TBC1D14: variants seen among roughly 807,000 people sequenced by gnomAD.
TBC1D14 encodes the protein TBC1 domain family member 14.
TBC1D14 carries 26 observed loss-of-function variants against 79.0 expected under a neutral mutation model. That is an observed-to-expected ratio of 0.33 (90% CI 0.24 to 0.46). The LOEUF (loss-of-function observed/expected upper bound fraction) is 0.46. TBC1D14 is among the 20% of genes least tolerant of loss of function. The pLI is 1.00. For missense variants in TBC1D14, 769 were observed against 887.6 expected (o/e 0.87, Z 1.70); for synonymous variants, 394 against 349.9 (o/e 1.13, Z -1.40).
intron 10 of TBC1D14, 33 bp downstream of exon 10, chr4:7,009,981 G>C: frequency 6.2e-7 from 1 of 1,611,238 alleles, no homozygotes; most frequent in Non-Finnish European, 8.5e-7. Context: ...TTATAATGTT[G>C]TTATCTAAAA....
chr4:6,923,935 C>T lies in TBC1D14; in HGVS notation c.546C>T (p.Val182=). The change falls in exon 2 of 14, where the codon GTC becomes GTT. Residue 182 remains valine (V), a synonymous_variant. Transcript: ENST00000409757. ...VSNEDILDLV[V]TSSSSAIVTL... ...ATGAGGACATCTTGGACCTTGTGGTCACGAGCAGCTCCAGTGCCATTGTGA... is the reference window on the plus strand; with the variant it reads ...ATGAGGACATCTTGGACCTTGTGGTTACGAGCAGCTCCAGTGCCATTGTGA... The T allele has an allele frequency of 1.2e-6, 2 of 1,614,138 alleles. No individual in the cohort carries two copies. The highest frequency in any genetic ancestry group is 4.5e-5 in the East Asian group (2 of 44,884).
intron 12 of TBC1D14, among the ~76,000 whole-genome samples, chr4:7,022,893 TTTG>T (rs1405446466): frequency 1.3e-5 from 2 of 151,916 alleles, no homozygotes; most frequent in African/African-American, 4.9e-5. Flanking sequence ...AGAAATCTCT[TTTG>T]TTCTCTTTGC....
At chr4:7,007,632 G>A (rs1232645422) in intron 9 of TBC1D14, 1 of 1,284,648 alleles carries the variant, frequency 7.8e-7, no homozygotes, top group Non-Finnish European at 1.0e-6. Context: ...TCTGGTGCGT[G>A]AGCCCAGCGA....
At chr4:6,924,693 G>A (rs1350599404) in intron 2 of TBC1D14, among the ~76,000 whole-genome samples, 2 of 152,206 alleles carry the variant, frequency 1.3e-5, no homozygotes, top group Admixed American at 1.3e-4. Flanking sequence ...TCCCCATGGG[G>A]CCTTGTCACC....
intron 11 of TBC1D14, among the ~76,000 whole-genome samples, chr4:7,011,578 G>T (rs1720779989): frequency 6.6e-6 from 1 of 151,356 alleles, no homozygotes; most frequent in Middle Eastern, 3.4e-3. Flanking sequence ...TGTTTTTTTG[G>T]CAGGGTCTTG....
chr4:7,032,432 G>A lies in TBC1D14; in HGVS notation c.*2040G>A, dbSNP rs984934235. 6.5e-6 allele frequency: 1 copy of A among 152,846 alleles called. No individual in the cohort carries two copies. Among genetic ancestry groups the A allele is most frequent in the East Asian group, 1.9e-4 (1 of 5,198 alleles). 9.5% of individuals were successfully genotyped at this position (152,846 alleles called of 1,614,324 possible). A position where few individuals can be genotyped will look rare whatever the true frequency, so the allele number is the denominator to read the frequency against. On this transcript the variant is annotated 3_prime_UTR_variant, in exon 14 of 14. Transcript: ENST00000409757. ...TTCAGATTGCCCCTGGGGATCTTCT[G>A]TGTCTTCAGCGCCCAGCCCTGCGTG...
intron 5 of TBC1D14, among the ~76,000 whole-genome samples, chr4:6,998,590 G>A (rs1020268152): frequency 1.4e-5 from 2 of 145,342 alleles, no homozygotes; most frequent in African/African-American, 5.1e-5. Context: ...CCAGGCTGAA[G>A]TGCAGTGGTG....
At chr4:6,971,247 G>A (rs1422387424) in intron 3 of TBC1D14, among the ~76,000 whole-genome samples, 1 of 152,200 alleles carries the variant, frequency 6.6e-6, no homozygotes, top group Non-Finnish European at 1.5e-5. Flanking sequence ...ACATCTACTT[G>A]CTTAATTGTT....
At chr4:6,977,125 A>ACGGTCTCCCTCTCCCCC (rs1716811714) in intron 3 of TBC1D14, among the ~76,000 whole-genome samples, 1 of 50,188 alleles carries the variant, frequency 2.0e-5, no homozygotes, top group Admixed American at 2.5e-4. Flanking sequence ...CCCTCTCCCC[A>ACGGTCTCCCTCTCCCCC]CGGTCTCCCT....
chr4:6,913,321 A>G (rs1177657874), intron 1 of TBC1D14, among the ~76,000 whole-genome samples: 1 of 152,226 alleles, frequency 6.6e-6, no homozygotes, highest in Non-Finnish European at 1.5e-5. Flanking sequence ...CTTCATTTGC[A>G]GCCTAACAAA....
intron 3 of TBC1D14, chr4:6,987,119 G>GC (rs1577125304): frequency 1.2e-6 from 1 of 838,382 alleles, no homozygotes. Flanking sequence ...CATCAGCCCC[G>GC]CCCCCTTGGG....
chr4:6,945,785 A>G (rs141306994), intron 2 of TBC1D14, among the ~76,000 whole-genome samples: 17,765 of 136,438 alleles, frequency 0.13, 1,781 homozygotes, highest in African/African-American at 0.26. Context: ...AAAAAAAAAG[A>G]TGAAAGAAAG....
chr4:7,002,324 T>C (rs1399682557), intron 7 of TBC1D14, among the ~76,000 whole-genome samples: 3 of 152,254 alleles, frequency 2.0e-5, no homozygotes, highest in Non-Finnish European at 2.9e-5. Context: ...CCTCAGAAGT[T>C]GAGGTTTGGA....
chr4:6,996,508 C>T, intron 5 of TBC1D14, 101 bp downstream of exon 5: 1 of 839,170 alleles, frequency 1.2e-6, no homozygotes, highest in South Asian at 1.7e-5. Flanking sequence ...ACCTGAACTT[C>T]AGTCTTTGAA....
intron 12 of TBC1D14, among the ~76,000 whole-genome samples, chr4:7,017,403 C>G (rs1367008034): frequency 6.6e-6 from 1 of 152,182 alleles, no homozygotes; most frequent in South Asian, 2.1e-4. Context: ...GGACTCAAGT[C>G]TACCCGGCTC....
intron 7 of TBC1D14, among the ~76,000 whole-genome samples, chr4:7,002,765 C>A (rs1404570336): frequency 4.6e-5 from 7 of 152,218 alleles, no homozygotes; most frequent in Non-Finnish European, 8.8e-5. Context: ...CCTGCTTAAT[C>A]TCGATTTTAC....
intron 2 of TBC1D14, among the ~76,000 whole-genome samples, chr4:6,956,432 G>A (rs552744980): frequency 7.2e-5 from 11 of 152,326 alleles, no homozygotes; most frequent in African/African-American, 2.2e-4. Flanking sequence ...AGAACACGGC[G>A]TAGACAGAAA....
At chr4:7,002,600 G>A (rs944321462) in intron 7 of TBC1D14, among the ~76,000 whole-genome samples, 3 of 152,138 alleles carry the variant, frequency 2.0e-5, no homozygotes, top group Non-Finnish European at 4.4e-5. Context: ...TGTGAACCGC[G>A]CAGTGTCAGT....
chr4:6,914,821 T>C (rs986803642), intron 1 of TBC1D14, among the ~76,000 whole-genome samples: 2 of 152,138 alleles, frequency 1.3e-5, no homozygotes, highest in African/African-American at 4.8e-5. Flanking sequence ...AGGCGATCAC[T>C]TGAGGTCAGG....
Sources: gnomAD v4.1 joint callset for allele counts (sites outside exome capture counted in the v4.1 genomes callset) on GRCh38, gnomAD v4.1.1 for gene constraint, MANE v1.5 for transcripts, NCBI Gene and HGNC (gene_info 2026-07-23, HGNC 2026-07-21) for gene names.